Variants in MARCHF1 observed in about 807,000 individuals in gnomAD.
MARCHF1 encodes the protein E3 ubiquitin-protein ligase MARCHF1.
In MARCHF1, 40 loss-of-function variants were observed where a neutral mutation model predicts 54.2. The ratio of observed to expected loss-of-function variants is 0.74; its 90% CI spans 0.57 to 0.96. MARCHF1 has a LOEUF of 0.96. MARCHF1 is among the 40% of genes least tolerant of loss of function. MARCHF1 has a pLI of 0.00. For missense variants in MARCHF1, 586 were observed against 656.5 expected (o/e 0.89, Z 1.17); for synonymous variants, 236 against 236.3 (o/e 1.00, Z 0.01).
chr4:164,161,662 T>G (rs1222133006), intron 1 of MARCHF1, among the ~76,000 whole-genome samples: 1 of 152,102 alleles, frequency 6.6e-6, no homozygotes, highest in African/African-American at 2.4e-5. Context: ...CTCATAAACT[T>G]AAATTTATGT....
At chr4:164,103,116 A>G (rs1475177462) in intron 2 of MARCHF1, among the ~76,000 whole-genome samples, 1 of 45,916 alleles carries the variant, frequency 2.2e-5, no homozygotes, top group Admixed American at 2.2e-4. Flanking sequence ...TTCATAAAGC[A>G]AGTCCTGAGT....
At chr4:164,045,492 G>C (rs1017012738) in intron 2 of MARCHF1, among the ~76,000 whole-genome samples, 1 of 149,954 alleles carries the variant, frequency 6.7e-6, no homozygotes, top group Non-Finnish European at 1.5e-5. Context: ...AGCCTGGGTG[G>C]TGGAGTGAGA....
chr4:163,972,793 G>GT (rs1752574099), intron 3 of MARCHF1, among the ~76,000 whole-genome samples: 1 of 150,330 alleles, frequency 6.7e-6, no homozygotes, highest in African/African-American at 2.5e-5. Flanking sequence ...TCCTGACCTC[G>GT]TGATCCACCT....
intron 2 of MARCHF1, among the ~76,000 whole-genome samples, chr4:164,001,816 T>C (rs1753191568): frequency 6.6e-6 from 1 of 151,880 alleles, no homozygotes; most frequent in South Asian, 2.1e-4. Flanking sequence ...TCCGTATAAC[T>C]GTCCCCTTGA....
intron 8 of MARCHF1, chr4:163,583,996 C>A (rs1407954486): frequency 6.6e-6 from 1 of 151,084 alleles, no homozygotes; most frequent in East Asian, 1.9e-4. Context: ...ATATTTGCTG[C>A]CTTTCTCTGG....
At chr4:164,035,252 A>G (rs1234669959) in intron 2 of MARCHF1, among the ~76,000 whole-genome samples, 1 of 152,128 alleles carries the variant, frequency 6.6e-6, no homozygotes, top group African/African-American at 2.4e-5. Context: ...AAATGTCTTC[A>G]GAAACATATA....
intron 4 of MARCHF1, among the ~76,000 whole-genome samples, chr4:163,807,809 T>G (rs1748267487): frequency 3.0e-4 from 3 of 10,106 alleles, no homozygotes; most frequent in Non-Finnish European, 1.9e-3. Flanking sequence ...AAATCATAGG[T>G]TTTTTTTTGT....
intron 5 of MARCHF1, among the ~76,000 whole-genome samples, chr4:163,633,985 C>A (rs1742209821): frequency 6.6e-6 from 1 of 152,076 alleles, no homozygotes. Context: ...AATTTCATAT[C>A]CAGCCAAACT....
chr4:163,674,359 T>C (rs527640173), intron 5 of MARCHF1, among the ~76,000 whole-genome samples: 1 of 152,172 alleles, frequency 6.6e-6, no homozygotes, highest in Admixed American at 6.6e-5. Flanking sequence ...AAAAATGTGA[T>C]GGGCTGAGAA....
chr4:163,598,469 C>G (rs1740843267), intron 7 of MARCHF1, among the ~76,000 whole-genome samples: 1 of 152,226 alleles, frequency 6.6e-6, no homozygotes, highest in Non-Finnish European at 1.5e-5. Context: ...TGAACATACA[C>G]AAGCCTGATG....
At chr4:164,167,455 A>G (rs907887352) in intron 1 of MARCHF1, among the ~76,000 whole-genome samples, 3 of 151,910 alleles carry the variant, frequency 2.0e-5, no homozygotes, top group Non-Finnish European at 2.9e-5. Context: ...TGAAACCACA[A>G]AAACCTGAAA....
chr4:163,568,327 C>G (rs1365223120), intron 8 of MARCHF1, among the ~76,000 whole-genome samples: 2 of 151,916 alleles, frequency 1.3e-5, no homozygotes, highest in Non-Finnish European at 2.9e-5. Flanking sequence ...TTATTTTAAC[C>G]AAATTTGGTT....
intron 1 of MARCHF1, among the ~76,000 whole-genome samples, chr4:164,232,866 A>C (rs535968625): frequency 1.3e-5 from 2 of 152,294 alleles, no homozygotes; most frequent in Non-Finnish European, 2.9e-5. Context: ...CACACACAGA[A>C]ACCTATAGAC....
rs919919540 is a variant in MARCHF1 at position 164,373,634 on chromosome 4, C to A, written c.-323+10236G>T. Among the ~76,000 whole-genome samples the A allele has an allele frequency of 2.6e-5, 4 of 151,842 alleles. No homozygotes were observed. The East Asian group carries it at 7.7e-4, about 29-fold the overall frequency. ...CCTCCCAAAGTGCTAAGATTACAGG[C>A]GTGAGTCACCGTGCCCAGCCCAAAA... On this transcript the variant is annotated intron_variant, in intron 1 of 9. Transcript: ENST00000514618.
At chr4:164,293,225 A>G (rs891884946) in intron 1 of MARCHF1, among the ~76,000 whole-genome samples, 2 of 148,674 alleles carry the variant, frequency 1.3e-5, no homozygotes, top group Non-Finnish European at 3.0e-5. Context: ...TAGCATGTGG[A>G]AAAAAAAAAA....
At chr4:163,850,111 T>G (rs1749602154) in intron 4 of MARCHF1, among the ~76,000 whole-genome samples, 1 of 152,206 alleles carries the variant, frequency 6.6e-6, no homozygotes, top group Non-Finnish European at 1.5e-5. Flanking sequence ...CCAGGAATGC[T>G]TCTTTAGATC....
At chr4:163,572,624 T>G (rs1332300932) in intron 8 of MARCHF1, among the ~76,000 whole-genome samples, 1 of 152,124 alleles carries the variant, frequency 6.6e-6, no homozygotes, top group Non-Finnish European at 1.5e-5. Flanking sequence ...GTAGGGGTCT[T>G]TGTGCCACGG....
chr4:163,717,039 A>G (rs1745283322), intron 4 of MARCHF1, among the ~76,000 whole-genome samples: 1 of 151,990 alleles, frequency 6.6e-6, no homozygotes, highest in Admixed American at 6.5e-5. Flanking sequence ...GTACATGTGC[A>G]CAACGTGCAG....
chr4:164,332,727 G>C (rs915267164), intron 1 of MARCHF1, among the ~76,000 whole-genome samples: 2 of 152,014 alleles, frequency 1.3e-5, no homozygotes, highest in Non-Finnish European at 2.9e-5. Flanking sequence ...TGATTAACCG[G>C]GCATCTGTGA....
Sources: gnomAD v4.1 joint callset for allele counts (sites outside exome capture counted in the v4.1 genomes callset) on GRCh38, gnomAD v4.1.1 for gene constraint, MANE v1.5 for transcripts, NCBI Gene and HGNC (gene_info 2026-07-23, HGNC 2026-07-21) for gene names.